Variants in UBR3 observed in about 807,000 individuals in gnomAD.
UBR3 encodes E3 ubiquitin-protein ligase UBR3.
Under a neutral mutation model 243.2 loss-of-function variants are expected in UBR3, and 85 were observed. That is an observed-to-expected ratio of 0.35 (90% CI 0.29 to 0.42). UBR3 has a LOEUF of 0.42. Ranked by LOEUF, UBR3 falls within the 10% of genes least tolerant of loss-of-function variation. The probability of loss-of-function intolerance (pLI) is 1.00; values close to 1 mark genes in which losing one functional copy is unlikely to be tolerated. For missense variants in UBR3, 1,686 were observed against 2,300.8 expected (o/e 0.73, Z 5.47); for synonymous variants, 748 against 799.8 (o/e 0.94, Z 1.09).
Position 169,890,551 on chromosome 2 carries a change from A to ATGTGTG in UBR3, c.1039-613_1039-612insGTGTGT, listed in dbSNP as rs2084306808. On this transcript the variant is annotated intron_variant, in intron 5 of 38. Coordinates refer to ENST00000272793, the MANE Select transcript of UBR3 (RefSeq NM_172070.4). Reference sequence around the variant, plus strand: ...GAGAGAGAGAGAGAGATATATATATATATATATATATATGTGTATATATAT... The same window carrying ATGTGTG: ...GAGAGAGAGAGAGAGATATATATATATGTGTGTATATATATATATGTGTATATATAT... Among the ~76,000 whole-genome samples, 13 of 102,038 alleles carry ATGTGTG rather than the reference A, an allele frequency of 1.3e-4. 1 individual carries two copies. The highest frequency in any genetic ancestry group is 3.2e-4 in the South Asian group (1 of 3,154). 66.9% of individuals were successfully genotyped at this position (102,038 alleles called of 152,430 possible).
At position 170,008,837 on chromosome 2, in the gene UBR3, G is replaced by A. The variant is rs201674450; in HGVS notation, c.4264G>A (p.Val1422Ile). The A allele has an allele frequency of 3.4e-6, 5 of 1,461,694 alleles. No homozygotes were observed. The highest frequency in any genetic ancestry group is 4.6e-5 in the East Asian group (2 of 43,774). The allele number at this position is 1,461,694 out of a possible 1,614,324, so 90.5% of individuals were successfully genotyped here. A position where few individuals can be genotyped will look rare whatever the true frequency, so the allele number is the denominator to read the frequency against. The stretch of plus-strand genomic sequence containing the variant: ...AAATTTAAGTAAAGAAATGGAATCT[G>A]TAATGAAAGATATAAAAAATACCAC... ...ETNLSKEMES[V>I]MKDIKNTTQK... The change falls in exon 29 of 39, where the codon GTA (valine) becomes ATA (isoleucine). Residue 1422 changes from valine to isoleucine, a missense_variant. Physicochemically the swap from Val to Ile is conservative, Grantham distance 29 (BLOSUM62 3). Transcript: ENST00000272793.
intron 24 of UBR3, among the ~76,000 whole-genome samples, chr2:169,958,786 C>T (rs987871515): frequency 2.6e-5 from 4 of 152,092 alleles, no homozygotes; most frequent in African/African-American, 9.7e-5. Flanking sequence ...TTCTGTTAAA[C>T]GGTCTTTAGA....
chr2:169,882,189 TAATA>T (rs1380379727), intron 5 of UBR3, among the ~76,000 whole-genome samples: 1 of 128,858 alleles, frequency 7.8e-6, no homozygotes, highest in Non-Finnish European at 1.6e-5. Flanking sequence ...TATGCATGTG[TAATA>T]AATAATATAC....
intron 32 of UBR3, among the ~76,000 whole-genome samples, chr2:170,051,731 A>G (rs1279757746): frequency 6.6e-6 from 1 of 152,236 alleles, no homozygotes; most frequent in Non-Finnish European, 1.5e-5. Context: ...TACACAATAT[A>G]AATGACTTTC....
chr2:170,036,438 T>C (rs1252220223), intron 31 of UBR3, among the ~76,000 whole-genome samples: 1 of 152,054 alleles, frequency 6.6e-6, no homozygotes, highest in Non-Finnish European at 1.5e-5. Context: ...CTCTCTGTCC[T>C]TAGAATGGCT....
At chr2:169,936,450 T>C (rs1216471170) in intron 19 of UBR3, among the ~76,000 whole-genome samples, 5 of 152,112 alleles carry the variant, frequency 3.3e-5, no homozygotes, top group African/African-American at 9.6e-5. Flanking sequence ...AATGATAGTT[T>C]TCTTATTTTG....
At chr2:169,890,593 G>A (rs6759295) in intron 5 of UBR3, among the ~76,000 whole-genome samples, 37,198 of 75,046 alleles carry the variant, frequency 0.5, 9,622 homozygotes, top group Non-Finnish European at 0.64. Flanking sequence ...ATATATATAT[G>A]TATATATATG....
chr2:169,935,586 A>G (rs1252212546), intron 19 of UBR3, among the ~76,000 whole-genome samples: 3 of 152,212 alleles, frequency 2.0e-5, no homozygotes, highest in African/African-American at 7.2e-5. Flanking sequence ...TTTTTAAAAT[A>G]TGTAATTTCT....
intron 20 of UBR3, among the ~76,000 whole-genome samples, chr2:169,945,377 TGAGA>T (rs901389559): frequency 6.6e-6 from 1 of 152,172 alleles, no homozygotes; most frequent in African/African-American, 2.4e-5. Context: ...CAGAAAAACA[TGAGA>T]GAGTCAGTGA....
chr2:169,863,169 T>C (rs2083146546), intron 1 of UBR3, among the ~76,000 whole-genome samples: 1 of 152,226 alleles, frequency 6.6e-6, no homozygotes, highest in African/African-American at 2.4e-5. Context: ...TCTCCTTTTG[T>C]TTCCTCTCTC....
intron 30 of UBR3, among the ~76,000 whole-genome samples, chr2:170,022,042 A>G (rs1333331198): frequency 6.6e-6 from 1 of 152,142 alleles, no homozygotes; most frequent in Non-Finnish European, 1.5e-5. Context: ...ACCTGGATTC[A>G]TGGAATGTGC....
intron 32 of UBR3, among the ~76,000 whole-genome samples, chr2:170,052,133 A>G (rs1249277931): frequency 1.3e-5 from 2 of 152,284 alleles, no homozygotes; most frequent in South Asian, 2.1e-4. Context: ...ATTTTAGTCA[A>G]TGCTGCTACG....
intron 29 of UBR3, among the ~76,000 whole-genome samples, chr2:170,010,935 G>A (rs1253695888): frequency 6.6e-6 from 1 of 151,974 alleles, no homozygotes; most frequent in Non-Finnish European, 1.5e-5. Flanking sequence ...GACCAAGGCA[G>A]GAGGATTGCT....
chr2:169,920,682 A>G (rs2085663351), intron 11 of UBR3, among the ~76,000 whole-genome samples: 1 of 152,090 alleles, frequency 6.6e-6, no homozygotes, highest in African/African-American at 2.4e-5. Context: ...TTACCATTTC[A>G]GGCATACTCC....
intron 1 of UBR3, among the ~76,000 whole-genome samples, chr2:169,842,881 T>A (rs1046200839): frequency 1.3e-5 from 2 of 152,188 alleles, no homozygotes; most frequent in African/African-American, 4.8e-5. Context: ...ATTCAGCCAA[T>A]TTTTTTGCCA....
chr2:170,018,642 T>C (rs1402103730), intron 30 of UBR3, among the ~76,000 whole-genome samples: 1 of 152,186 alleles, frequency 6.6e-6, no homozygotes, highest in African/African-American at 2.4e-5. Flanking sequence ...TGTGATCATA[T>C]CTATCTGCTG....
At chr2:170,001,450 T>C (rs1173069572) in intron 27 of UBR3, 36 bp downstream of exon 27, 3 of 1,288,994 alleles carry the variant, frequency 2.3e-6, no homozygotes, top group African/African-American at 1.5e-5. Flanking sequence ...AAGGTGCATG[T>C]ATCTTTCCAG....
intron 38 of UBR3, 49 bp downstream of exon 38, chr2:170,080,733 T>C (rs994646724): frequency 6.3e-7 from 1 of 1,578,536 alleles, no homozygotes; most frequent in African/African-American, 1.4e-5. Flanking sequence ...ATTTGGTCAG[T>C]GAAAACCAAT....
chr2:169,880,205 A>G (rs775880886), intron 5 of UBR3, among the ~76,000 whole-genome samples: 4 of 152,210 alleles, frequency 2.6e-5, no homozygotes, highest in Admixed American at 1.3e-4. Context: ...TTAGACAACT[A>G]TTGCATGATG....
Sources: allele counts gnomAD v4.1 joint callset (sites outside exome capture counted in the v4.1 genomes callset), GRCh38; gene constraint gnomAD v4.1.1; transcripts MANE v1.5; gene names NCBI Gene and HGNC (gene_info 2026-07-23, HGNC 2026-07-21).